Variants in BIRC6 observed in about 807,000 individuals in gnomAD.
BIRC6 encodes the protein dual E2 ubiquitin-conjugating enzyme/E3 ubiquitin-protein ligase BIRC6.
In BIRC6, 98 loss-of-function variants were observed where a neutral mutation model predicts 503.3. The observed-to-expected ratio is 0.19, with a 90% CI of 0.17 to 0.23. The LOEUF (loss-of-function observed/expected upper bound fraction) is 0.23, where lower values mean the gene tolerates loss of function less well. Ranked by LOEUF, BIRC6 falls within the 10% of genes least tolerant of loss-of-function variation. BIRC6 has a pLI of 1.00. For missense variants in BIRC6, 5,360 were observed against 5,806.0 expected (o/e 0.92, Z 2.50); for synonymous variants, 2,240 against 2,078.7 (o/e 1.08, Z -2.11).
chr2:32,589,737 C>T (rs774406243), intron 66 of BIRC6, among the ~76,000 whole-genome samples: 1 of 152,074 alleles, frequency 6.6e-6, no homozygotes, highest in Non-Finnish European at 1.5e-5. Flanking sequence ...GTTGGGTTGT[C>T]CCCTGGTAAA....
rs2056752329 is a variant in BIRC6, at chr2:32,531,524, C to G, written c.12264C>G (p.Pro4088=). ...GGLALIAERL[P]MLYPEVIQQV... ...TGGCTCTTATTGCTGAAAGACTACC[C>G]ATGCTATATCCAGAAGTAATTCAAC... The change falls in exon 61 of 74, where the codon CCC becomes CCG. Residue 4088 remains proline (P), a synonymous_variant. Transcript: ENST00000421745. The G allele has an allele frequency of 6.2e-7, 1 of 1,612,936 alleles. No homozygotes were observed. Among genetic ancestry groups the G allele is most frequent in the Non-Finnish European group, 8.5e-7 (1 of 1,179,366 alleles).
At chr2:32,438,026 A>G (rs973086114) in intron 15 of BIRC6, among the ~76,000 whole-genome samples, 3 of 152,116 alleles carry the variant, frequency 2.0e-5, no homozygotes, top group African/African-American at 7.2e-5. Flanking sequence ...TCCTGGGCTC[A>G]AGGGATCCTC....
chr2:32,502,690 C>A lies in BIRC6; in HGVS notation c.9208-105C>A, dbSNP rs375454573. ...CATTTTGTATTTAGCGTATTTAAGG[C>A]TGTCAGTTTACAAAAATTAACTAGG... On this transcript the variant is annotated intron_variant, in intron 47 of 73. Transcript: ENST00000421745. 1,594 of 746,438 alleles carry A rather than the reference C, an allele frequency of 2.1e-3. 44 individuals carry two copies. The South Asian group carries it at 0.035, about 16-fold the overall frequency. 46.2% of individuals were successfully genotyped at this position (746,438 alleles called of 1,614,324 possible).
chr2:32,456,290 C>G (rs1451819877), intron 23 of BIRC6, among the ~76,000 whole-genome samples: 3 of 152,232 alleles, frequency 2.0e-5, no homozygotes, highest in South Asian at 2.1e-4. Context: ...ATTTGGTTTG[C>G]CTTCTTTTCA....
At chr2:32,366,353 C>T (rs1309559548) in intron 1 of BIRC6, among the ~76,000 whole-genome samples, 1 of 152,174 alleles carries the variant, frequency 6.6e-6, no homozygotes, top group African/African-American at 2.4e-5. Context: ...ATTTTCTCTT[C>T]ACTTGTTCTT....
rs2046950871 is a variant in BIRC6, at chr2:32,453,709, G to A, written c.4619-99G>A. On this transcript the variant is annotated intron_variant, in intron 22 of 73. Transcript: ENST00000421745. ...CTGTGTAAGAGTTGTGTATTTATATGTTCTAATTAAAATTGAAGTTGCAGC... is the reference window on the plus strand; with the variant it reads ...CTGTGTAAGAGTTGTGTATTTATATATTCTAATTAAAATTGAAGTTGCAGC... The A allele has an allele frequency of 2.6e-6, 3 of 1,148,186 alleles. No homozygotes were observed. In the Admixed American group the frequency reaches 5.7e-5, roughly 22 times the overall value. 71.1% of individuals were successfully genotyped at this position (1,148,186 alleles called of 1,614,324 possible).
intron 1 of BIRC6, among the ~76,000 whole-genome samples, chr2:32,372,475 T>G (rs2036122926): frequency 6.6e-6 from 1 of 152,196 alleles, no homozygotes; most frequent in Non-Finnish European, 1.5e-5. Context: ...GTATTAATAT[T>G]TCATTCCTTT....
chr2:32,431,117 T>C, intron 12 of BIRC6, 27 bp downstream of exon 12: 1 of 1,501,604 alleles, frequency 6.7e-7, no homozygotes, highest in Non-Finnish European at 9.2e-7. Context: ...AGATAATTAA[T>C]TTTAAGTCCA....
In BIRC6 at chr2:32,468,658, G is replaced by C; in HGVS notation, c.6002G>C (p.Ser2001Thr). Reference sequence around the variant, plus strand: ...AGGCTCAAAGTGGCGCTAGGTGCAAGCCGGAAGATGTTGAGTGAAACATCA... The same window carrying C: ...AGGCTCAAAGTGGCGCTAGGTGCAACCCGGAAGATGTTGAGTGAAACATCA... ...VQRLKVALGA[S>T]RKMLSETSNP... is the part of the protein sequence containing the mutation. The change falls in exon 29 of 74, where the codon AGC (serine) becomes ACC (threonine). Residue 2001 changes from serine to threonine, a missense_variant. Physicochemically the swap from Ser to Thr is moderately conservative, Grantham distance 58 (BLOSUM62 1). Transcript: ENST00000421745. 6.2e-7 allele frequency: 1 copy of C among 1,614,000 alleles called. No homozygotes were observed. Among genetic ancestry groups the C allele is most frequent in the Non-Finnish European group, 8.5e-7 (1 of 1,179,876 alleles).
chr2:32,546,472 C>T (rs1028973764), intron 63 of BIRC6, among the ~76,000 whole-genome samples: 4 of 151,546 alleles, frequency 2.6e-5, no homozygotes, highest in East Asian at 1.9e-4. Context: ...CCCAGCTACT[C>T]GGGAGGCTGA....
intron 35 of BIRC6, 119 bp downstream of exon 35, chr2:32,477,702 T>TC: frequency 5.1e-6 from 3 of 592,874 alleles, no homozygotes; most frequent in Non-Finnish European, 8.0e-6. Flanking sequence ...AGTTCCAGAC[T>TC]AGTGTGGGCA....
intron 13 of BIRC6, among the ~76,000 whole-genome samples, chr2:32,434,870 A>G (rs1004167027): frequency 6.6e-6 from 1 of 152,174 alleles, no homozygotes; most frequent in Non-Finnish European, 1.5e-5. Flanking sequence ...AAATAAATAA[A>G]TAGTATTTGC....
Position 32,508,303 on chromosome 2 carries a change from T to G in BIRC6, c.9980+44T>G, listed in dbSNP as rs2054019080. ...TTTTTTTTTTTTTTTTTTTTTTTTT[T>G]GGCATGGTTGGGAGATAGGGGACTT... On this transcript the variant is annotated intron_variant, in intron 51 of 73. Transcript: ENST00000421745. The G allele has an allele frequency of 1.5e-5, 19 of 1,275,026 alleles. 2 individuals carry two copies. Among genetic ancestry groups the G allele is most frequent in the South Asian group, 1.4e-4 (9 of 63,674 alleles). 79.0% of individuals were successfully genotyped at this position (1,275,026 alleles called of 1,614,324 possible).
intron 39 of BIRC6, 132 bp downstream of exon 39, chr2:32,482,714 T>TACCATTCAGAGC: frequency 1.1e-6 from 1 of 901,198 alleles, no homozygotes; most frequent in South Asian, 1.7e-5. Context: ...GTGCCGTGAG[T>TACCATTCAGAGC]ACCATTCAGA....
intron 38 of BIRC6, among the ~76,000 whole-genome samples, chr2:32,482,120 A>ACTT (rs112408141): frequency 0.041 from 6,288 of 152,146 alleles, 204 homozygotes; most frequent in African/African-American, 0.096. Context: ...ATGTTAGCCT[A>ACTT]CTTTTTTTTA....
intron 66 of BIRC6, among the ~76,000 whole-genome samples, chr2:32,582,510 T>A (rs2060741505): frequency 6.6e-6 from 1 of 152,174 alleles, no homozygotes; most frequent in African/African-American, 2.4e-5. Context: ...ACGCCTCTAA[T>A]CCCAGCACTT....
intron 23 of BIRC6, among the ~76,000 whole-genome samples, chr2:32,458,446 C>CA (rs1321961051): frequency 6.6e-6 from 1 of 152,032 alleles, no homozygotes; most frequent in Non-Finnish European, 1.5e-5. Context: ...ATCTCATCAT[C>CA]ATAACTGATA....
intron 6 of BIRC6, 78 bp downstream of exon 6, chr2:32,395,671 A>C (rs2039792004): frequency 1.5e-6 from 2 of 1,317,266 alleles, no homozygotes; most frequent in Non-Finnish European, 2.2e-6. Flanking sequence ...TTTTCTGCTT[A>C]TGATATAATT....
chr2:32,406,634 C>G, intron 9 of BIRC6, 77 bp downstream of exon 9: 1 of 999,574 alleles, frequency 1.0e-6, no homozygotes, highest in South Asian at 1.5e-5. Flanking sequence ...CCACTTAATT[C>G]TGAATTTCTT....
Sources: gnomAD v4.1 joint callset for allele counts (sites outside exome capture counted in the v4.1 genomes callset) on GRCh38, gnomAD v4.1.1 for gene constraint, MANE v1.5 for transcripts, NCBI Gene and HGNC (gene_info 2026-07-23, HGNC 2026-07-21) for gene names.